Variants in RGS7 observed in about 807,000 individuals in gnomAD.
RGS7 encodes the protein regulator of G-protein signaling 7.
A neutral mutation model predicts 81.1 loss-of-function variants in RGS7; 27 were observed. The ratio of observed to expected loss-of-function variants is 0.33; its 90% CI spans 0.25 to 0.46. RGS7 has a LOEUF of 0.46. RGS7 is among the 20% of genes least tolerant of loss of function. RGS7 has a pLI of 1.00. For missense variants in RGS7, 396 were observed against 607.4 expected (o/e 0.65, Z 3.66); for synonymous variants, 208 against 207.7 (o/e 1.00, Z -0.01).
intron 6 of RGS7, chr1:240,920,023 T>C (rs1673236932): frequency 3.3e-6 from 4 of 1,218,404 alleles, no homozygotes; most frequent in Non-Finnish European, 4.8e-6. Context: ...AGAGATTATT[T>C]TGAACAGTTT....
At chr1:240,946,922 G>A (rs887016216) in intron 4 of RGS7, among the ~76,000 whole-genome samples, 2 of 152,128 alleles carry the variant, frequency 1.3e-5, no homozygotes, top group Non-Finnish European at 2.9e-5. Flanking sequence ...TGATGGATAC[G>A]GTAATTGCCC....
rs1553289481 is a variant in RGS7, at chr1:241,221,006, A to AGG, written c.79-122245_79-122244insCC. ...GGAAGGAAGGAAGGAAGAGAGAGAG[A>AGG]AAGGAAGGAAGGAAGGAAGGAAGGA... is the stretch of plus-strand genomic sequence containing the variant. On this transcript the variant is annotated intron_variant, in intron 2 of 18. Coordinates refer to ENST00000440928, the MANE Select transcript of RGS7 (RefSeq NM_001364886.1). 2.6e-4 allele frequency among the ~76,000 whole-genome samples: 22 copies of AGG among 84,540 alleles called. 1 individual carries two copies. Among genetic ancestry groups the AGG allele is most frequent in the African/African-American group, 8.8e-4 (22 of 24,912 alleles). The allele number at this position is 84,540 out of a possible 152,430, so 55.5% of individuals were successfully genotyped here.
At chr1:241,076,715 T>G (rs1239270574) in intron 3 of RGS7, among the ~76,000 whole-genome samples, 1 of 152,200 alleles carries the variant, frequency 6.6e-6, no homozygotes, top group Admixed American at 6.5e-5. Flanking sequence ...TGATCACCGG[T>G]GCACCCAATG....
intron 2 of RGS7, among the ~76,000 whole-genome samples, chr1:241,183,836 C>CTATATATGTGTGTGTATATGTATA (rs2071851740): frequency 6.6e-6 from 1 of 152,188 alleles, no homozygotes; most frequent in Non-Finnish European, 1.5e-5. Context: ...CCCTCTACTT[C>CTATATATGTGTGTGTATATGTATA]TGTACCGCCT....
chr1:241,018,133 ATTTTTT>A (rs34587479), intron 3 of RGS7, among the ~76,000 whole-genome samples: 14 of 114,440 alleles, frequency 1.2e-4, no homozygotes, highest in Admixed American at 9.5e-5. Context: ...TGCCCAGCTA[ATTTTTT>A]TTTTTTTTTT....
intron 6 of RGS7, among the ~76,000 whole-genome samples, chr1:240,899,590 T>C (rs2148190052): frequency 6.6e-6 from 1 of 152,338 alleles, no homozygotes; most frequent in Non-Finnish European, 1.5e-5. Context: ...AATTCTTTTC[T>C]TTAAGAATGT....
intron 9 of RGS7, among the ~76,000 whole-genome samples, chr1:240,848,747 C>A (rs893748185): frequency 1.1e-4 from 16 of 151,840 alleles, no homozygotes; most frequent in African/African-American, 3.4e-4. Flanking sequence ...TAGGATGACT[C>A]AGCTTCAGAA....
At chr1:241,099,531 T>C (rs1206067846) in intron 2 of RGS7, among the ~76,000 whole-genome samples, 1 of 152,236 alleles carries the variant, frequency 6.6e-6, no homozygotes, top group East Asian at 1.9e-4. Context: ...ATCTCATTAG[T>C]ACACTCTCTT....
At chr1:240,781,504 G>A (rs1684078591) in intron 18 of RGS7, among the ~76,000 whole-genome samples, 1 of 152,208 alleles carries the variant, frequency 6.6e-6, no homozygotes, top group African/African-American at 2.4e-5. Context: ...TACTCAGGAG[G>A]CTGAGGCAGG....
At chr1:241,071,724 A>T (rs1435052483) in intron 3 of RGS7, among the ~76,000 whole-genome samples, 1 of 151,704 alleles carries the variant, frequency 6.6e-6, no homozygotes, top group East Asian at 1.9e-4. Flanking sequence ...TTTAAAAAAA[A>T]TTAGCTGGGC....
chr1:241,246,159 G>T (rs2148177958), intron 2 of RGS7, among the ~76,000 whole-genome samples: 1 of 152,158 alleles, frequency 6.6e-6, no homozygotes, highest in South Asian at 2.1e-4. Flanking sequence ...ATGGGGTGTG[G>T]ATGAAGACTG....
intron 2 of RGS7, among the ~76,000 whole-genome samples, chr1:241,153,353 T>C (rs927969988): frequency 6.6e-6 from 1 of 152,182 alleles, no homozygotes; most frequent in South Asian, 2.1e-4. Context: ...ACATGAGTAA[T>C]CATTGCTGAG....
chr1:241,136,894 C>T (rs2067562017), intron 2 of RGS7, among the ~76,000 whole-genome samples: 1 of 152,148 alleles, frequency 6.6e-6, no homozygotes, highest in Admixed American at 6.5e-5. Context: ...TAGAAGGGCA[C>T]CAAAGAAGCC....
At chr1:241,136,704 C>G (rs2067543691) in intron 2 of RGS7, among the ~76,000 whole-genome samples, 1 of 152,196 alleles carries the variant, frequency 6.6e-6, no homozygotes, top group Admixed American at 6.5e-5. Context: ...ACCTTGATTT[C>G]ATTTTCAGTT....
intron 2 of RGS7, among the ~76,000 whole-genome samples, chr1:241,215,903 A>C (rs1433612041): frequency 6.6e-6 from 1 of 152,254 alleles, no homozygotes; most frequent in African/African-American, 2.4e-5. Context: ...CCATTGGTTT[A>C]ATGTGTAACC....
intron 4 of RGS7, among the ~76,000 whole-genome samples, chr1:240,978,488 T>C (rs184103970): frequency 6.6e-6 from 1 of 152,144 alleles, no homozygotes; most frequent in Admixed American, 6.5e-5. Flanking sequence ...AAACATGCGA[T>C]AATAGATATA....
intron 10 of RGS7, among the ~76,000 whole-genome samples, chr1:240,824,475 G>T (rs1048589024): frequency 4.6e-5 from 7 of 152,370 alleles, no homozygotes; most frequent in African/African-American, 1.7e-4. Context: ...TGGCGGAAGG[G>T]AAGGGTGGCT....
chr1:240,792,887 A>T (rs1019404880), intron 18 of RGS7, among the ~76,000 whole-genome samples: 3 of 152,138 alleles, frequency 2.0e-5, no homozygotes, highest in African/African-American at 7.2e-5. Context: ...GTAGGTTCCC[A>T]ATAACTGTTT....
At chr1:240,781,501 G>T (rs909111083) in intron 18 of RGS7, among the ~76,000 whole-genome samples, 5 of 152,190 alleles carry the variant, frequency 3.3e-5, no homozygotes, top group African/African-American at 9.6e-5. Flanking sequence ...AACTACTCAG[G>T]AGGCTGAGGC....
Sources: allele counts gnomAD v4.1 joint callset (sites outside exome capture counted in the v4.1 genomes callset), GRCh38; gene constraint gnomAD v4.1.1; transcripts MANE v1.5; gene names NCBI Gene and HGNC (gene_info 2026-07-23, HGNC 2026-07-21).